Variants in GALNT13 observed in about 807,000 individuals in gnomAD.
The protein encoded by GALNT13 is UDP-GalNAc:polypeptide N-acetylgalactosaminyltransferase 13.
In GALNT13, 28 loss-of-function variants were observed where a neutral mutation model predicts 64.2. The observed-to-expected ratio is 0.44, with a 90% confidence interval of 0.32 to 0.60. The LOEUF is 0.60. Ranked by LOEUF, GALNT13 falls within the 20% of genes least tolerant of loss-of-function variation. The pLI, the probability that GALNT13 is intolerant of heterozygous loss-of-function variation, is 0.05. For missense variants in GALNT13, 577 were observed against 669.8 expected, an observed-to-expected ratio of 0.86 and a Z score of 1.53; for synonymous variants, 214 against 224.6, an observed-to-expected ratio of 0.95 and a Z score of 0.42.
intron 3 of GALNT13, among the ~76,000 whole-genome samples, chr2:154,060,828 G>T (rs569782430): frequency 6.6e-6 from 1 of 152,088 alleles, no homozygotes; most frequent in Non-Finnish European, 1.5e-5. Context: ...TATTAGGAAA[G>T]GGAACCCAAT....
At chr2:153,322,505 T>A in the GALNT13 span, among the ~76,000 whole-genome samples, 2 of 152,108 alleles carry the variant, frequency 1.3e-5, no homozygotes, top group Admixed American at 1.3e-4. Flanking sequence ...GGTAGAATGA[T>A]TTATTTATTT....
At chr2:154,217,803 G>A (rs758302392) in intron 4 of GALNT13, among the ~76,000 whole-genome samples, 1 of 152,128 alleles carries the variant, frequency 6.6e-6, no homozygotes, top group African/African-American at 2.4e-5. Flanking sequence ...TGAAAAATAT[G>A]CTGTCCTCAC....
chr2:153,749,569 A>T, the GALNT13 span, among the ~76,000 whole-genome samples: 1 of 151,888 alleles, frequency 6.6e-6, no homozygotes, highest in Non-Finnish European at 1.5e-5. Context: ...GGTTAAGTTC[A>T]TTGCTAGGTA....
At chr2:153,741,855 G>A in the GALNT13 span, among the ~76,000 whole-genome samples, 1 of 151,888 alleles carries the variant, frequency 6.6e-6, no homozygotes, top group East Asian at 1.9e-4. Context: ...ATTATAAATT[G>A]ACAGATCATA....
intron 3 of GALNT13, among the ~76,000 whole-genome samples, chr2:153,950,543 A>C (rs929275113): frequency 6.6e-6 from 1 of 152,106 alleles, no homozygotes; most frequent in African/African-American, 2.4e-5. Context: ...AAATCTGAAC[A>C]TTCATATATA....
chr2:154,280,147 G>T (rs1691884107), intron 8 of GALNT13, among the ~76,000 whole-genome samples: 1 of 152,154 alleles, frequency 6.6e-6, no homozygotes, highest in South Asian at 2.1e-4. Flanking sequence ...CTATCACGAT[G>T]GTGGGGGTGA....
At chr2:153,222,026 T>C in the GALNT13 span, among the ~76,000 whole-genome samples, 1 of 151,998 alleles carries the variant, frequency 6.6e-6, no homozygotes, top group African/African-American at 2.4e-5. Flanking sequence ...GGGAGGCGTG[T>C]TTCAGCCCTG....
chr2:153,650,009 T>C, the GALNT13 span, among the ~76,000 whole-genome samples: 1 of 152,160 alleles, frequency 6.6e-6, no homozygotes, highest in South Asian at 2.1e-4. Flanking sequence ...GTTCAATTCC[T>C]GAATATCCTT....
At chr2:153,079,749 G>T in the GALNT13 span, among the ~76,000 whole-genome samples, 1 of 152,016 alleles carries the variant, frequency 6.6e-6, no homozygotes, top group African/African-American at 2.4e-5. Flanking sequence ...TGAGACTGAG[G>T]TGATCAGGCA....
chr2:153,703,629 T>G, the GALNT13 span, among the ~76,000 whole-genome samples: 1 of 152,162 alleles, frequency 6.6e-6, no homozygotes, highest in African/African-American at 2.4e-5. Context: ...ATTACCTAAA[T>G]GTAGGGTAGT....
the GALNT13 span, among the ~76,000 whole-genome samples, chr2:153,535,755 T>C: frequency 1.3e-5 from 2 of 152,026 alleles, no homozygotes; most frequent in African/African-American, 4.8e-5. Flanking sequence ...TCTACTTTTC[T>C]TGAAGACGGA....
chr2:153,980,975 T>A (rs1694421768), intron 3 of GALNT13, among the ~76,000 whole-genome samples: 1 of 152,134 alleles, frequency 6.6e-6, no homozygotes, highest in Non-Finnish European at 1.5e-5. Context: ...CAATCTCAAA[T>A]GATATTTTAT....
At chr2:153,702,614 GA>G in the GALNT13 span, among the ~76,000 whole-genome samples, 3 of 151,924 alleles carry the variant, frequency 2.0e-5, no homozygotes, top group Non-Finnish European at 2.9e-5. Context: ...GTATATGGGA[GA>G]AAAAAATAAA....
chr2:153,435,026 C>A, the GALNT13 span, among the ~76,000 whole-genome samples: 1 of 152,118 alleles, frequency 6.6e-6, no homozygotes, highest in Non-Finnish European at 1.5e-5. Flanking sequence ...AGGAAGGGAT[C>A]CAGTTTCAGC....
the GALNT13 span, among the ~76,000 whole-genome samples, chr2:153,495,617 A>C: frequency 2.0e-5 from 3 of 152,236 alleles, no homozygotes; most frequent in African/African-American, 4.8e-5. Flanking sequence ...TATTGGATGA[A>C]TCTCAAAATG....
chr2:153,266,471 G>A, the GALNT13 span, among the ~76,000 whole-genome samples: 714 of 152,232 alleles, frequency 4.7e-3, 6 homozygotes, highest in African/African-American at 0.016. Flanking sequence ...AGAAAAAAAG[G>A]TTTAATTGAC....
intron 9 of GALNT13, among the ~76,000 whole-genome samples, chr2:154,351,014 C>T (rs1444616198): frequency 1.3e-5 from 2 of 152,076 alleles, no homozygotes; most frequent in African/African-American, 2.4e-5. Flanking sequence ...CGCAGTGGAG[C>T]TGGTGGCAGG....
chr2:154,208,596 T>A (rs1687593375), intron 4 of GALNT13, among the ~76,000 whole-genome samples: 1 of 150,722 alleles, frequency 6.6e-6, no homozygotes, highest in African/African-American at 2.4e-5. Context: ...AGCACTGCCT[T>A]GTCTTATTTT....
chr2:154,235,988 A>C lies in GALNT13; in HGVS notation c.312-6042A>C. The C allele has an allele frequency of 3.2e-6, 3 of 940,572 alleles. No homozygotes were observed. In the South Asian group the frequency reaches 5.0e-5, roughly 16 times the overall value. The allele number at this position is 940,572 out of a possible 1,614,324, so 58.3% of individuals were successfully genotyped here. On this transcript the variant is annotated intron_variant, in intron 4 of 12. Coordinates refer to ENST00000392825, the MANE Select transcript of GALNT13 (RefSeq NM_052917.4). Reference sequence around the variant, plus strand: ...ACATTGGAAATATGATTCTGCCTCCATATTCTTTCCAAAGTAGATCAGCTG... The same window carrying C: ...ACATTGGAAATATGATTCTGCCTCCCTATTCTTTCCAAAGTAGATCAGCTG...
Sources: allele counts gnomAD v4.1 joint callset (sites outside exome capture counted in the v4.1 genomes callset), GRCh38; gene constraint gnomAD v4.1.1; transcripts MANE v1.5; gene names NCBI Gene and HGNC (gene_info 2026-07-23, HGNC 2026-07-21).